DLG3: variants seen among roughly 807,000 people sequenced by gnomAD.
DLG3 encodes disks large homolog 3.
A neutral mutation model predicts 64.1 loss-of-function variants in DLG3; 1 was observed. That is an observed-to-expected ratio of 0.02 (90% CI 0.01 to 0.07). The LOEUF is 0.07. DLG3 is among the 10% of genes least tolerant of loss of function. The probability of loss-of-function intolerance (pLI) is 1.00; values close to 1 mark genes in which losing one functional copy is unlikely to be tolerated. For synonymous variants in DLG3, 245 were observed against 259.8 expected (o/e 0.94, Z 0.55); for missense variants, 429 against 669.5 (o/e 0.64, Z 3.96).
In DLG3 at chrX:70,463,608, C is replaced by T. The variant is rs138934896; in HGVS notation, c.1405+9292C>T. ...GGTAATTGTTTTTTGTAAAATATAT[C>T]GGTTTTGCTCCTTTTATGTGAGAAT... On this transcript the variant is annotated intron_variant, in intron 9 of 18. Coordinates refer to ENST00000374360, the MANE Select transcript of DLG3 (RefSeq NM_021120.4). 1.3e-3 allele frequency among the ~76,000 whole-genome samples: 149 copies of T among 111,568 alleles called. 1 individual carries two copies. The highest frequency in any genetic ancestry group is 4.7e-3 in the African/African-American group (143 of 30,742).
intron 9 of DLG3, among the ~76,000 whole-genome samples, chrX:70,477,537 A>T (rs1028108529): frequency 2.7e-5 from 3 of 111,451 alleles, no homozygotes; most frequent in Non-Finnish European, 1.9e-5. Context: ...CACCTCATTG[A>T]TATTGATGGC....
intron 13 of DLG3, 106 bp from the exon 14 acceptor site, chrX:70,498,414 A>G (rs2087494004): frequency 1.3e-6 from 1 of 781,463 alleles, no homozygotes; most frequent in Admixed American, 2.6e-5. Context: ...GGTGGTGGCA[A>G]GGACCACCTG....
At chrX:70,458,073 A>C (rs1382449227) in intron 9 of DLG3, among the ~76,000 whole-genome samples, 2 of 109,260 alleles carry the variant, frequency 1.8e-5, no homozygotes, top group Admixed American at 2.0e-4. Flanking sequence ...ATGGGGTTTC[A>C]CCATGTTGCC....
At chrX:70,498,739 T>C (rs1569296380) in intron 14 of DLG3, among the ~76,000 whole-genome samples, 169 bp downstream of exon 14, 1 of 111,573 alleles carries the variant, frequency 9.0e-6, no homozygotes, top group Admixed American at 9.5e-5. Context: ...CCTAGTGTCA[T>C]AGGGAAGGGG....
intron 11 of DLG3, 23 bp from the exon 12 acceptor site, chrX:70,492,498 A>T (rs753409512): frequency 4.2e-6 from 5 of 1,204,534 alleles, no homozygotes; most frequent in African/African-American, 1.7e-5. Context: ...CAGTAACAGG[A>T]CTTCTTTCTG....
At chrX:70,493,560 G>A in intron 12 of DLG3, 2 of 866,049 alleles carry the variant, frequency 2.3e-6, no homozygotes, top group Non-Finnish European at 3.4e-6. Flanking sequence ...GAGAAGCCTG[G>A]GCAGGGCCAC....
At chrX:70,493,377 C>T in intron 12 of DLG3, 11 of 1,202,154 alleles carry the variant, frequency 9.2e-6, no homozygotes, top group Non-Finnish European at 1.2e-5. Context: ...CTTTCACAGT[C>T]GATCAAAACG....
In DLG3 at chrX:70,489,987, C is replaced by T. The variant is rs768377879; in HGVS notation, c.1521-2120C>T. Among the ~76,000 whole-genome samples the T allele has an allele frequency of 2.5e-4, 28 of 110,905 alleles. No individual in the cohort carries two copies. The South Asian group carries it at 9.7e-3, about 38-fold the overall frequency. ...AAGCAATTCTCCTGCCTCAGCCTCC[C>T]GAGTAGCTGAAATTACAGGTGCCCG... On this transcript the variant is annotated intron_variant, in intron 10 of 18. Coordinates refer to ENST00000374360, the MANE Select transcript of DLG3 (RefSeq NM_021120.4).
intron 9 of DLG3, among the ~76,000 whole-genome samples, chrX:70,457,933 T>C (rs1476179739): frequency 9.1e-6 from 1 of 109,940 alleles, no homozygotes; most frequent in Non-Finnish European, 1.9e-5. Context: ...TGGAGTGCAG[T>C]AGCACGATCT....
At chrX:70,500,357 C>T in intron 16 of DLG3, 114 bp from the exon 17 acceptor site, 2 of 630,720 alleles carry the variant, frequency 3.2e-6, no homozygotes, top group South Asian at 4.7e-5. Context: ...GCCCTCGTGC[C>T]CCTCCCCTCA....
At chrX:70,499,133 G>A (rs1344927262) in intron 14 of DLG3, 43 bp from the exon 15 acceptor site, 3 of 1,012,490 alleles carry the variant, frequency 3.0e-6, no homozygotes, top group Non-Finnish European at 4.2e-6. Context: ...CAGGCTGTCT[G>A]GTGGGGGCCT....
intron 9 of DLG3, among the ~76,000 whole-genome samples, chrX:70,458,996 G>A (rs1405053799): frequency 2.7e-5 from 3 of 112,206 alleles, no homozygotes; most frequent in African/African-American, 9.7e-5. Context: ...TCCCACCAAG[G>A]GAAGGATGGG....
chrX:70,452,395 A>G, intron 7 of DLG3: 3 of 947,696 alleles, frequency 3.2e-6, no homozygotes, highest in East Asian at 9.4e-5. Context: ...AGAAGAAAGC[A>G]GTTCAGCCGG....
intron 10 of DLG3, among the ~76,000 whole-genome samples, chrX:70,479,693 CTT>C (rs987190672): frequency 1.8e-5 from 2 of 111,154 alleles, no homozygotes; most frequent in Non-Finnish European, 3.8e-5. Context: ...TACAGGATCT[CTT>C]TTAAGAGACC....
At chrX:70,445,842 TG>T (rs1283468759) in intron 1 of DLG3, among the ~76,000 whole-genome samples, 1 of 65,088 alleles carries the variant, frequency 1.5e-5, no homozygotes, top group African/African-American at 6.2e-5. Context: ...TGTCTCAGTG[TG>T]GGGGTTTGGC....
chrX:70,454,852 G>GA (rs1306576563), intron 9 of DLG3, among the ~76,000 whole-genome samples: 1 of 112,959 alleles, frequency 8.9e-6, no homozygotes, highest in African/African-American at 3.2e-5. Flanking sequence ...CCTCCCCTCC[G>GA]GGGGGCCTTC....
intron 6 of DLG3, chrX:70,451,097 C>A: frequency 3.2e-6 from 1 of 317,061 alleles, no homozygotes. Flanking sequence ...CCAGTTCTGT[C>A]TTTGTTTTTT....
Position 70,450,749 on chromosome X carries a change from C to T in DLG3, c.951C>T (p.Leu317=). ...LKVAKPGSLH[L]NDMYAPPDYA... ...TGGCCAAGCCAGGCAGCCTCCACCTCAACGACATGTACGCTCCCCCTGACT... is the reference window on the plus strand; with the variant it reads ...TGGCCAAGCCAGGCAGCCTCCACCTTAACGACATGTACGCTCCCCCTGACT... The change falls in exon 6 of 19, where the codon CTC becomes CTT. Residue 317 remains leucine (L), a synonymous_variant. Transcript: ENST00000374360. The T allele has an allele frequency of 1.7e-6, 2 of 1,211,770 alleles. No homozygotes were observed. The highest frequency in any genetic ancestry group is 2.2e-6 in the Non-Finnish European group (2 of 895,517).
intron 10 of DLG3, among the ~76,000 whole-genome samples, chrX:70,484,644 A>C (rs1392085462): frequency 8.9e-6 from 1 of 111,992 alleles, no homozygotes; most frequent in Non-Finnish European, 1.9e-5. Context: ...AGAACTACCT[A>C]TTCCCAAACA....
Sources: allele counts gnomAD v4.1 joint callset (sites outside exome capture counted in the v4.1 genomes callset), GRCh38; gene constraint gnomAD v4.1.1; transcripts MANE v1.5; gene names NCBI Gene and HGNC (gene_info 2026-07-23, HGNC 2026-07-21).